Variants in TRANK1 observed in about 807,000 individuals in gnomAD.
The protein encoded by TRANK1 is TPR and ankyrin repeat-containing protein 1.
A neutral mutation model predicts 266.0 loss-of-function variants in TRANK1; 198 were observed. That is an observed-to-expected ratio of 0.74 (90% CI 0.66 to 0.84). The LOEUF is 0.84. Among genes scored for constraint, TRANK1 ranks in the 40% least tolerant of loss-of-function variants. The pLI, the probability that TRANK1 is intolerant of heterozygous loss-of-function variation, is 0.00. For missense variants in TRANK1, 3,326 were observed against 3,634.6 expected (o/e 0.92, Z 2.18); for synonymous variants, 1,396 against 1,384.1 (o/e 1.01, Z -0.19).
At position 36,857,597 on chromosome 3, in the gene TRANK1, T is replaced by A; in HGVS notation, c.2125A>T (p.Thr709Ser). 6.2e-7 allele frequency: 1 copy of A among 1,613,484 alleles called. No homozygotes were observed. The highest frequency in any genetic ancestry group is 8.5e-7 in the Non-Finnish European group (1 of 1,179,782). Reference sequence around the variant, plus strand: ...CTGGTCACCTGGGTACCTGGGAGAGTCTCCCAGCTGTCAGGGACTGCACTT... The same window carrying A: ...CTGGTCACCTGGGTACCTGGGAGAGACTCCCAGCTGTCAGGGACTGCACTT... The part of the protein sequence containing the change: ...EGSAVPDSWE[T>S]LPGTQVTRKE... Residue 709 changes from threonine (T) to serine (S), a missense_variant, in exon 13 of 24, where the codon ACT becomes TCT. Thr to Ser is a moderately conservative substitution (Grantham distance 58). Coordinates refer to ENST00000645898, the MANE Select transcript of TRANK1 (RefSeq NM_001329998.2). This position sits in a 1 kb window ranked among gnomAD's most constrained non-coding sequence, Gnocchi z 4.3.
At chr3:36,850,135 A>G in intron 15 of TRANK1, 1 of 985,458 alleles carries the variant, frequency 1.0e-6, no homozygotes, top group Non-Finnish European at 1.2e-6. Context: ...AATAAAGAAC[A>G]GAAACAACAA....
In TRANK1 at chr3:36,935,563, G is replaced by C. The variant is rs528454509; in HGVS notation, c.23+9224C>G. On this transcript the variant is annotated intron_variant, in intron 1 of 23. Transcript: ENST00000645898. ...TCTCCCGGGTTCAAGTGATTCTCCTGTCTCAGCCTCCCGAGTAGCTGGGAT... is the reference window on the plus strand; with the variant it reads ...TCTCCCGGGTTCAAGTGATTCTCCTCTCTCAGCCTCCCGAGTAGCTGGGAT... Among the ~76,000 whole-genome samples, 3 of 147,122 alleles carry C rather than the reference G, an allele frequency of 2.0e-5. No individual in the cohort carries two copies. In the Admixed American group the frequency reaches 2.1e-4, roughly 10 times the overall value.
chr3:36,945,210 T>A, upstream of TRANK1: 1 of 194,574 alleles, frequency 5.1e-6, no homozygotes, highest in Non-Finnish European at 1.0e-5. Flanking sequence ...AATAAACGAG[T>A]GCTTCGAACC....
In TRANK1 at chr3:36,855,790, C is replaced by T. The variant is rs370395840; in HGVS notation, c.3932G>A (p.Arg1311His). 219 of 1,613,620 alleles carry T rather than the reference C, an allele frequency of 1.4e-4. No individual in the cohort carries two copies. Among genetic ancestry groups the T allele is most frequent in the Admixed American group, 1.7e-4 (10 of 59,968 alleles). ...CACCCGGGGGTCACTGTCACCCGTACGCATTTCTACAGCTTTATCCTCCTC... is the reference window on the plus strand; with the variant it reads ...CACCCGGGGGTCACTGTCACCCGTATGCATTTCTACAGCTTTATCCTCCTC... ...YSEEDKAVEMRTGDSDPRVYV... is the reference protein window; with the variant it reads ...YSEEDKAVEMHTGDSDPRVYV... The change falls in exon 13 of 24, where the codon CGT becomes CAT. Residue 1311 changes from arginine to histidine, a missense_variant. Arg to His is a conservative substitution (Grantham distance 29, BLOSUM62 0). Coordinates refer to ENST00000645898, the MANE Select transcript of TRANK1 (RefSeq NM_001329998.2).
intron 3 of TRANK1, among the ~76,000 whole-genome samples, chr3:36,901,979 G>A (rs780719833): frequency 2.0e-5 from 3 of 152,184 alleles, no homozygotes; most frequent in Admixed American, 6.5e-5. Context: ...TCCCAGGAAT[G>A]CACTCCCATT....
intron 8 of TRANK1, among the ~76,000 whole-genome samples, chr3:36,883,410 A>T (rs1465581601): frequency 6.7e-6 from 1 of 149,764 alleles, no homozygotes; most frequent in East Asian, 2.0e-4. Context: ...GCACCACTGC[A>T]TTCCAGACTG....
chr3:36,933,209 C>A lies in TRANK1; in HGVS notation c.23+11578G>T, dbSNP rs531578762. Among the ~76,000 whole-genome samples, 86 of 152,276 alleles carry A rather than the reference C, an allele frequency of 5.6e-4. 1 individual carries two copies. The South Asian group carries it at 0.017, about 30-fold the overall frequency. On this transcript the variant is annotated intron_variant, in intron 1 of 23. Coordinates refer to ENST00000645898, the MANE Select transcript of TRANK1 (RefSeq NM_001329998.2). ...ATCTTTAAAAAGTTCAAATGTTTAG[C>A]CAACCGGGATTAGTTTAGAATTTAC... is the stretch of plus-strand genomic sequence containing the variant.
chr3:36,902,860 T>C (rs997925860), intron 3 of TRANK1, among the ~76,000 whole-genome samples: 12 of 152,278 alleles, frequency 7.9e-5, no homozygotes, highest in Non-Finnish European at 1.8e-4. Context: ...CAAGCTCTGC[T>C]GTTCCTACAA....
intron 8 of TRANK1, among the ~76,000 whole-genome samples, chr3:36,885,916 T>C (rs1477318624): frequency 6.6e-6 from 1 of 152,118 alleles, no homozygotes; most frequent in African/African-American, 2.4e-5. Context: ...GAACCATTTT[T>C]GTAACTTTTC....
chr3:36,845,117 A>G (rs925284610), intron 17 of TRANK1, among the ~76,000 whole-genome samples: 2 of 152,218 alleles, frequency 1.3e-5, no homozygotes, highest in African/African-American at 4.8e-5. Context: ...AAGTGTCCAT[A>G]TCTACTCGAC....
chr3:36,944,782 C>T lies in TRANK1; in HGVS notation c.23+5G>A. 1 of 1,496,228 alleles carries T rather than the reference C, an allele frequency of 6.7e-7. No individual in the cohort carries two copies. The highest frequency in any genetic ancestry group is 1.2e-5 in the South Asian group (1 of 80,534). The allele number at this position is 1,496,228 out of a possible 1,614,324, so 92.7% of individuals were successfully genotyped here. On this transcript the variant is annotated splice_donor_5th_base_variant and intron_variant, in intron 1 of 23. Transcript: ENST00000645898. ...TGCCCCAGTGCTTCCCGCGCCGCTA[C>T]GCACCTAGCTGCCCGCGGGTCCCAC...
At chr3:36,886,367 C>T (rs2079605832) in intron 8 of TRANK1, among the ~76,000 whole-genome samples, 1 of 151,626 alleles carries the variant, frequency 6.6e-6, no homozygotes, top group South Asian at 2.1e-4. Flanking sequence ...CCTTAGCCTC[C>T]CCCAAAGTGC....
intron 1 of TRANK1, among the ~76,000 whole-genome samples, chr3:36,925,657 C>T (rs1469507032): frequency 6.7e-6 from 1 of 149,746 alleles, no homozygotes; most frequent in Non-Finnish European, 1.5e-5. Flanking sequence ...GTGGTGCAAT[C>T]TCCGCTCACT....
intron 13 of TRANK1, among the ~76,000 whole-genome samples, chr3:36,852,889 T>C (rs2079004481): frequency 6.6e-6 from 1 of 151,900 alleles, no homozygotes; most frequent in Non-Finnish European, 1.5e-5. Flanking sequence ...CATTGGTGCT[T>C]ACAGAACCAA....
At chr3:36,885,051 A>G (rs1238314448) in intron 8 of TRANK1, among the ~76,000 whole-genome samples, 1 of 152,204 alleles carries the variant, frequency 6.6e-6, no homozygotes, top group Non-Finnish European at 1.5e-5. Flanking sequence ...AATAGATACC[A>G]AAATTGGTGG....
intron 20 of TRANK1, 55 bp from the exon 21 acceptor site, chr3:36,834,962 T>C: frequency 6.8e-7 from 1 of 1,470,816 alleles, no homozygotes; most frequent in Non-Finnish European, 9.1e-7. Flanking sequence ...AACTTTCTAA[T>C]CTTAAACCAA....
chr3:36,876,944 G>A (rs1483849700), intron 8 of TRANK1, among the ~76,000 whole-genome samples: 1 of 152,160 alleles, frequency 6.6e-6, no homozygotes, highest in Non-Finnish European at 1.5e-5. Context: ...GAGTTCCTGA[G>A]CCTCTGAAAT....
At chr3:36,880,113 T>TATATAAACATGC (rs2079507615) in intron 8 of TRANK1, 1 of 145,370 alleles carries the variant, frequency 6.9e-6, no homozygotes, top group East Asian at 2.3e-4. Flanking sequence ...TAAACATATA[T>TATATAAACATGC]AAATATATAT....
intron 21 of TRANK1, 70 bp downstream of exon 21, chr3:36,834,692 C>G (rs886179678): frequency 6.5e-7 from 1 of 1,545,534 alleles, no homozygotes; most frequent in East Asian, 2.3e-5. Flanking sequence ...ATAGCACCAC[C>G]CAGAGCAGGC....
Sources: gnomAD v4.1 joint callset for allele counts (sites outside exome capture counted in the v4.1 genomes callset) on GRCh38, gnomAD v4.1.1 for gene constraint, Gnocchi (gnomAD v3.1) non-coding constraint, MANE v1.5 for transcripts, NCBI Gene and HGNC (gene_info 2026-07-23, HGNC 2026-07-21) for gene names.